CACNA1D: variants seen among roughly 807,000 people sequenced by gnomAD.
The protein encoded by CACNA1D is calcium voltage-gated channel subunit alpha1 D.
Under a neutral mutation model 257.1 loss-of-function variants are expected in CACNA1D, and 55 were observed. The ratio of observed to expected loss-of-function variants is 0.21; its 90% CI spans 0.17 to 0.27. The LOEUF (loss-of-function observed/expected upper bound fraction) is 0.27, where lower values mean the gene tolerates loss of function less well. Ranked by LOEUF, CACNA1D falls within the 10% of genes least tolerant of loss-of-function variation. The pLI is 1.00. For synonymous variants in CACNA1D, 980 were observed against 1,014.9 expected (o/e 0.97, Z 0.65); for missense variants, 1,876 against 2,784.0 (o/e 0.67, Z 7.34).
intron 3 of CACNA1D, among the ~76,000 whole-genome samples, chr3:53,605,650 C>T (rs148009836): frequency 0.02 from 3,004 of 152,248 alleles, 49 homozygotes; most frequent in Non-Finnish European, 0.03. Context: ...TAAGACATGG[C>T]GATCCAAAAT....
chr3:53,728,872 G>A (rs2094961112), intron 15 of CACNA1D, among the ~76,000 whole-genome samples: 1 of 152,220 alleles, frequency 6.6e-6, no homozygotes, highest in African/African-American at 2.4e-5. Flanking sequence ...TCCAGAGCAT[G>A]CCACTCTTTA....
chr3:53,685,050 G>A (rs1334496338), intron 8 of CACNA1D, among the ~76,000 whole-genome samples: 2 of 152,116 alleles, frequency 1.3e-5, no homozygotes, highest in East Asian at 1.9e-4. Context: ...ATCAATAATT[G>A]CATTGGACGA....
chr3:53,580,846 T>G (rs1397181736), intron 3 of CACNA1D, among the ~76,000 whole-genome samples: 1 of 152,238 alleles, frequency 6.6e-6, no homozygotes, highest in Non-Finnish European at 1.5e-5. Flanking sequence ...AATCTTCTCA[T>G]ATATGTCTGT....
Position 53,723,923 on chromosome 3 carries a change from A to G in CACNA1D, c.2024A>G (p.Lys675Arg). The change falls in exon 14 of 48, where the codon AAG becomes AGG. Residue 675 changes from lysine (K) to arginine (R), a missense_variant. Transcript: ENST00000350061. The surrounding 1 kb of genome is among the most constrained non-coding windows in gnomAD (Gnocchi z 5.6). ...CTTGGGATGCAGCTGTTTGGCGGCA[A>G]GTTTAATTTTGATGAAACGCAAACC... ...SLLGMQLFGGKFNFDETQTKR... is the reference protein window; with the variant it reads ...SLLGMQLFGGRFNFDETQTKR... 1 of 1,614,140 alleles carries G rather than the reference A, an allele frequency of 6.2e-7. No individual in the cohort carries two copies.
rs141665760 is a variant in CACNA1D, at chr3:53,716,366, G to C, written c.1391-1935G>C. 2.6e-5 allele frequency among the ~76,000 whole-genome samples: 4 copies of C among 152,300 alleles called. No individual in the cohort carries two copies. In the East Asian group the frequency reaches 5.8e-4, roughly 22 times the overall value. On this transcript the variant is annotated intron_variant, in intron 9 of 47. Transcript: ENST00000350061. Reference sequence around the variant, plus strand: ...TGCAGTAACCACCACGGAAAATGCCGCACAGAGTTAACTCATGATCAGATG... The same window carrying C: ...TGCAGTAACCACCACGGAAAATGCCCCACAGAGTTAACTCATGATCAGATG...
chr3:53,595,488 G>A (rs551748857), intron 3 of CACNA1D, among the ~76,000 whole-genome samples: 51 of 152,274 alleles, frequency 3.3e-4, no homozygotes, highest in Non-Finnish European at 1.2e-4. Flanking sequence ...AGCTTTCAAT[G>A]AGTAGGAGGA....
At chr3:53,683,593 T>C (rs1005500610) in intron 8 of CACNA1D, among the ~76,000 whole-genome samples, 14 of 152,124 alleles carry the variant, frequency 9.2e-5, no homozygotes, top group African/African-American at 3.4e-4. Flanking sequence ...GAAAAGTCGA[T>C]AGAAACAAAA....
rs142184099 is a variant in CACNA1D, at chr3:53,805,089, G to A, written c.5692G>A (p.Val1898Ile). ...ATTCTTGGAGGACGATGACTCGCCCGTTTGCTATGATTCACGGAGATCTCC... is the reference window on the plus strand; with the variant it reads ...ATTCTTGGAGGACGATGACTCGCCCATTTGCTATGATTCACGGAGATCTCC... The part of the protein sequence containing the change: ...QGFLEDDDSP[V>I]CYDSRRSPRR... The change falls in exon 45 of 48, where the codon GTT becomes ATT. Residue 1898 changes from valine to isoleucine, a missense_variant. Coordinates refer to ENST00000350061, the MANE Select transcript of CACNA1D (RefSeq NM_001128840.3). The A allele has an allele frequency of 9.3e-5, 150 of 1,614,092 alleles. 1 individual carries two copies. The highest frequency in any genetic ancestry group is 6.8e-4 in the African/African-American group (51 of 75,026).
chr3:53,798,416 G>T (rs1004361183), intron 40 of CACNA1D, among the ~76,000 whole-genome samples: 1 of 152,184 alleles, frequency 6.6e-6, no homozygotes, highest in African/African-American at 2.4e-5. Context: ...TGCATCCTGA[G>T]CCTGTGATCA....
chr3:53,722,777 G>A (rs949909447), intron 12 of CACNA1D, among the ~76,000 whole-genome samples: 2 of 152,238 alleles, frequency 1.3e-5, no homozygotes, highest in African/African-American at 2.4e-5. Flanking sequence ...TGCCCTCATC[G>A]GGGAAGCTTC....
At chr3:53,785,388 C>T (rs1320972252) in intron 39 of CACNA1D, 1 of 152,256 alleles carries the variant, frequency 6.6e-6, no homozygotes. Flanking sequence ...AGACAGCCTT[C>T]TCACACAGTA....
chr3:53,779,574 C>A (rs2095415549), intron 37 of CACNA1D, among the ~76,000 whole-genome samples: 1 of 152,112 alleles, frequency 6.6e-6, no homozygotes, highest in Non-Finnish European at 1.5e-5. Context: ...TGAGTAAAGT[C>A]CTGAGAACCA....
At chr3:53,702,620 T>C (rs1434098048) in intron 8 of CACNA1D, 21 bp from the exon 9 acceptor site, 2 of 1,612,680 alleles carry the variant, frequency 1.2e-6, no homozygotes, top group South Asian at 2.2e-5. Context: ...GATATGTGCT[T>C]GTCCTCTTTG....
At chr3:53,794,440 C>T (rs897849781) in intron 40 of CACNA1D, among the ~76,000 whole-genome samples, 7 of 152,236 alleles carry the variant, frequency 4.6e-5, no homozygotes, top group East Asian at 3.9e-4. Flanking sequence ...CCCATTCAGA[C>T]GTCCCAAAGG....
chr3:53,564,763 TA>T (rs2092804469), intron 3 of CACNA1D, among the ~76,000 whole-genome samples: 1 of 152,186 alleles, frequency 6.6e-6, no homozygotes, highest in South Asian at 2.1e-4. Flanking sequence ...ATTTTATAGG[TA>T]AGGAAACTGA....
chr3:53,649,640 A>G (rs572435678), intron 3 of CACNA1D, among the ~76,000 whole-genome samples: 1 of 152,088 alleles, frequency 6.6e-6, no homozygotes, highest in East Asian at 1.9e-4. Context: ...TCCTGAGCCT[A>G]TTTTATTTTG....
chr3:53,677,533 G>A (rs1278441910), intron 8 of CACNA1D, among the ~76,000 whole-genome samples: 1 of 152,344 alleles, frequency 6.6e-6, no homozygotes, highest in Admixed American at 6.5e-5. Context: ...CCCTCACTGG[G>A]TTAGGTGGGA....
chr3:53,520,883 TTTC>T (rs2091535916), intron 3 of CACNA1D, among the ~76,000 whole-genome samples: 1 of 74,666 alleles, frequency 1.3e-5, no homozygotes. Flanking sequence ...TCTTTCTTTC[TTTC>T]TTTCTTTCTT....
At chr3:53,742,272 AAAAT>A (rs1559607818) in intron 21 of CACNA1D, among the ~76,000 whole-genome samples, 1 of 152,220 alleles carries the variant, frequency 6.6e-6, no homozygotes, top group Non-Finnish European at 1.5e-5. Flanking sequence ...TTTTTGTTTT[AAAAT>A]AAATAGTGAG....
Sources: gnomAD v4.1 joint callset for allele counts (sites outside exome capture counted in the v4.1 genomes callset) on GRCh38, gnomAD v4.1.1 for gene constraint, Gnocchi (gnomAD v3.1) non-coding constraint, MANE v1.5 for transcripts, NCBI Gene and HGNC (gene_info 2026-07-23, HGNC 2026-07-21) for gene names.